LAMA3: variants seen among roughly 807,000 people sequenced by gnomAD.
LAMA3 encodes laminin subunit alpha 3.
In LAMA3, 281 loss-of-function variants were observed where a neutral mutation model predicts 402.0. That is an observed-to-expected ratio of 0.70 (90% CI 0.63 to 0.77). The LOEUF (loss-of-function observed/expected upper bound fraction) is 0.77, where lower values mean the gene tolerates loss of function less well. Ranked by LOEUF, LAMA3 falls within the 30% of genes least tolerant of loss-of-function variation. The pLI is 0.00. For missense variants in LAMA3, 3,840 were observed against 4,215.5 expected (o/e 0.91, Z 2.47); for synonymous variants, 1,431 against 1,558.4 (o/e 0.92, Z 1.93).
intron 34 of LAMA3, among the ~76,000 whole-genome samples, chr18:23,861,276 C>T (rs1317681820): frequency 6.6e-6 from 1 of 152,100 alleles, no homozygotes; most frequent in East Asian, 1.9e-4. Context: ...CCACTGAATT[C>T]CACATCACAT....
chr18:23,779,416 C>T (rs949940789), intron 11 of LAMA3, among the ~76,000 whole-genome samples: 2 of 152,080 alleles, frequency 1.3e-5, no homozygotes, highest in Non-Finnish European at 2.9e-5. Context: ...TGGATATCAT[C>T]GGAAGGTAGA....
At chr18:23,864,656 A>G in intron 35 of LAMA3, 129 bp from the exon 36 acceptor site, 1 of 708,284 alleles carries the variant, frequency 1.4e-6, no homozygotes. Flanking sequence ...CCTCCTAGAT[A>G]CAACCCTTGT....
At chr18:23,698,202 C>CTTTTTTTTTT (rs755879182) in intron 1 of LAMA3, among the ~76,000 whole-genome samples, 5 of 108,852 alleles carry the variant, frequency 4.6e-5, no homozygotes, top group African/African-American at 7.3e-5. Context: ...TCTTCTTCTT[C>CTTTTTTTTTT]TTTTTTTTTT....
At chr18:23,751,149 T>A in intron 5 of LAMA3, 61 bp downstream of exon 5, 1 of 1,545,630 alleles carries the variant, frequency 6.5e-7, no homozygotes, top group Non-Finnish European at 8.9e-7. Flanking sequence ...CTTACCAAAT[T>A]AATTGCCTTG....
intron 47 of LAMA3, among the ~76,000 whole-genome samples, chr18:23,900,139 C>T (rs1304943514): frequency 6.6e-6 from 1 of 152,028 alleles, no homozygotes; most frequent in Non-Finnish European, 1.5e-5. Flanking sequence ...AGTGTGATCT[C>T]AACTCACTGC....
At chr18:23,921,343 T>C (rs1412369562) in intron 61 of LAMA3, 109 bp from the exon 62 acceptor site, 3 of 1,210,484 alleles carry the variant, frequency 2.5e-6, no homozygotes, top group East Asian at 2.5e-5. Context: ...CTACTATGTA[T>C]ATAAATGAAT....
At chr18:23,823,496 TC>T (rs957231649) in intron 20 of LAMA3, among the ~76,000 whole-genome samples, 74 of 152,326 alleles carry the variant, frequency 4.9e-4, no homozygotes, top group African/African-American at 1.7e-3. Context: ...TTATGTTATG[TC>T]CCATGGTAAC....
chr18:23,738,658 G>A lies in LAMA3; in HGVS notation c.448-9285G>A, dbSNP rs141909639. On this transcript the variant is annotated intron_variant, in intron 2 of 74. Coordinates refer to ENST00000313654, the MANE Select transcript of LAMA3 (RefSeq NM_198129.4). ...CAGCTGTGTTCGAACACTACCTGCC[G>A]TGGCTAGTCCTGACCACACGTCAGC... 5.6e-3 allele frequency among the ~76,000 whole-genome samples: 851 copies of A among 152,294 alleles called. 24 individuals are homozygous for A. The highest frequency in any genetic ancestry group is 0.045 in the Admixed American group (688 of 15,308).
At chr18:23,840,604 C>T (rs1568241260) in intron 27 of LAMA3, among the ~76,000 whole-genome samples, 2 of 151,636 alleles carry the variant, frequency 1.3e-5, no homozygotes, top group Admixed American at 6.6e-5. Flanking sequence ...CCAGGTTGGT[C>T]TCGAACCAGT....
chr18:23,794,066 C>T (rs1008219432), intron 12 of LAMA3, among the ~76,000 whole-genome samples: 2 of 152,244 alleles, frequency 1.3e-5, no homozygotes, highest in African/African-American at 4.8e-5. Flanking sequence ...CTTCCATGCC[C>T]TCCCTGGGCC....
intron 69 of LAMA3, among the ~76,000 whole-genome samples, chr18:23,945,035 A>T (rs2082658112): frequency 6.6e-6 from 1 of 152,190 alleles, no homozygotes. Flanking sequence ...CAGGAGGCTG[A>T]GGCAGGAGAA....
At chr18:23,801,556 T>C (rs2062866994) in intron 12 of LAMA3, among the ~76,000 whole-genome samples, 1 of 152,238 alleles carries the variant, frequency 6.6e-6, no homozygotes, top group African/African-American at 2.4e-5. Flanking sequence ...TTTGGATAGA[T>C]ACTCAGTAGT....
At chr18:23,775,008 T>TA (rs113220082) in intron 9 of LAMA3, among the ~76,000 whole-genome samples, 3,161 of 152,124 alleles carry the variant, frequency 0.021, 114 homozygotes, top group African/African-American at 0.072. Context: ...TCCACAGAGG[T>TA]ATTAGAGGCT....
chr18:23,942,262 G>T (rs2082548282), intron 68 of LAMA3, among the ~76,000 whole-genome samples: 1 of 152,206 alleles, frequency 6.6e-6, no homozygotes, highest in African/African-American at 2.4e-5. Context: ...CCTATCTGGT[G>T]TCTGCTTAAG....
At chr18:23,871,036 G>A (rs1043174806) in intron 37 of LAMA3, among the ~76,000 whole-genome samples, 1 of 152,188 alleles carries the variant, frequency 6.6e-6, no homozygotes, top group African/African-American at 2.4e-5. Context: ...AGAAAAGATT[G>A]TATTTTCTGT....
chr18:23,740,747 G>A (rs1490946983), intron 2 of LAMA3, among the ~76,000 whole-genome samples: 1 of 152,118 alleles, frequency 6.6e-6, no homozygotes, highest in African/African-American at 2.4e-5. Flanking sequence ...CAAACATGGA[G>A]GAAACCTGTA....
intron 23 of LAMA3, among the ~76,000 whole-genome samples, chr18:23,829,375 T>C (rs2063450436): frequency 6.6e-6 from 1 of 152,244 alleles, no homozygotes; most frequent in African/African-American, 2.4e-5. Flanking sequence ...ACAGGCATAT[T>C]GGCTTATTTT....
chr18:23,741,590 T>C (rs1365053192), intron 2 of LAMA3, among the ~76,000 whole-genome samples: 1 of 152,234 alleles, frequency 6.6e-6, no homozygotes, highest in African/African-American at 2.4e-5. Context: ...AGTGACTTAT[T>C]TTTCATAATT....
intron 69 of LAMA3, among the ~76,000 whole-genome samples, chr18:23,945,603 G>T (rs1471269692): frequency 6.6e-6 from 1 of 152,166 alleles, no homozygotes; most frequent in Admixed American, 6.5e-5. Context: ...ATAAATGGAA[G>T]TGTCCGTAGT....
Sources: allele counts gnomAD v4.1 joint callset (sites outside exome capture counted in the v4.1 genomes callset), GRCh38; gene constraint gnomAD v4.1.1; transcripts MANE v1.5; gene names NCBI Gene and HGNC (gene_info 2026-07-23, HGNC 2026-07-21).